Variants in CPLANE1 observed in about 807,000 individuals in gnomAD.
The protein encoded by CPLANE1 is ciliogenesis and planar polarity effector complex subunit 1.
A neutral mutation model predicts 362.5 loss-of-function variants in CPLANE1; 263 were observed. The observed-to-expected ratio is 0.73, with a 90% CI of 0.66 to 0.80. CPLANE1 has a LOEUF of 0.80. CPLANE1 is among the 30% of genes least tolerant of loss of function. The probability of loss-of-function intolerance (pLI) is 0.00; values close to 1 mark genes in which losing one functional copy is unlikely to be tolerated. For synonymous variants in CPLANE1, 1,212 were observed against 1,302.6 expected, an observed-to-expected ratio of 0.93 and a Z score of 1.50; for missense variants, 3,461 against 3,793.4, an observed-to-expected ratio of 0.91 and a Z score of 2.30.
At chr5:37,084,694 T>C in the CPLANE1 span, among the ~76,000 whole-genome samples, 2 of 151,918 alleles carry the variant, frequency 1.3e-5, no homozygotes, top group Non-Finnish European at 2.9e-5. Flanking sequence ...GCAGGAGAAT[T>C]GCTTGAACCC....
downstream of CPLANE1, among the ~76,000 whole-genome samples, chr5:37,101,732 G>T (rs1051912022): frequency 5.3e-5 from 8 of 152,022 alleles, no homozygotes; most frequent in Non-Finnish European, 1.5e-5. Context: ...TCTGGTCCTG[G>T]GCTTATTTTG....
chr5:37,227,937 CACAAAAAT>C, intron 9 of CPLANE1, 120 bp from the exon 10 acceptor site: 1 of 896,676 alleles, frequency 1.1e-6, no homozygotes, highest in Non-Finnish European at 1.6e-6. Context: ...AAGTGAAACA[CACAAAAAT>C]ATTAAATGTG....
chr5:37,107,623 G>T lies in CPLANE1; in HGVS notation c.9735C>A (p.Val3245=). Residue 3245 remains valine (V), a synonymous_variant, in exon 53 of 53, where the codon GTC becomes GTA. Transcript: ENST00000651892. ...GGTCTTACAGGTCCAGGGCCCAGTG[G>T]ACAGACAGGCCCTGGTCCTCCACGC... ...VASVEDQGLS[V]HWALDL is the part of the protein sequence containing the mutation. 1.2e-6 allele frequency: 2 copies of T among 1,610,746 alleles called. No homozygotes were observed. Among genetic ancestry groups the T allele is most frequent in the Non-Finnish European group, 1.7e-6 (2 of 1,179,208 alleles).
chr5:37,170,480 GA>G, intron 32 of CPLANE1, 149 bp from the exon 33 acceptor site: 1 of 842,626 alleles, frequency 1.2e-6, no homozygotes, highest in Non-Finnish European at 1.7e-6. Context: ...GGCAGTCAGG[GA>G]AATTTTTTTT....
At chr5:37,246,737 G>A (rs1739801573) in intron 2 of CPLANE1, among the ~76,000 whole-genome samples, 1 of 151,884 alleles carries the variant, frequency 6.6e-6, no homozygotes, top group African/African-American at 2.4e-5. Context: ...GAAACCCCTA[G>A]CCTCTACTAA....
intron 43 of CPLANE1, among the ~76,000 whole-genome samples, chr5:37,142,915 A>G (rs1375834787): frequency 6.6e-6 from 1 of 152,188 alleles, no homozygotes; most frequent in Admixed American, 6.5e-5. Context: ...AAACTGAGCT[A>G]CCTTCATGTA....
intron 15 of CPLANE1, 91 bp from the exon 16 acceptor site, chr5:37,213,823 G>A: frequency 9.5e-7 from 1 of 1,052,492 alleles, no homozygotes; most frequent in South Asian, 2.8e-5. Flanking sequence ...AAAGAAAATT[G>A]CAATACCTTT....
At chr5:37,246,945 A>G (rs970478015) in intron 2 of CPLANE1, among the ~76,000 whole-genome samples, 1 of 152,122 alleles carries the variant, frequency 6.6e-6, no homozygotes, top group Admixed American at 6.6e-5. Flanking sequence ...ATCCAACCCT[A>G]CAGCAGACCT....
At chr5:37,205,851 C>A (rs1790569174) in intron 17 of CPLANE1, among the ~76,000 whole-genome samples, 1 of 152,110 alleles carries the variant, frequency 6.6e-6, no homozygotes. Flanking sequence ...GTAGTTGGGA[C>A]CACAGGCACG....
At chr5:37,159,466 C>A (rs535631757) in intron 38 of CPLANE1, among the ~76,000 whole-genome samples, 10 of 152,168 alleles carry the variant, frequency 6.6e-5, no homozygotes, top group South Asian at 4.1e-4. Flanking sequence ...ATTCACAGAG[C>A]CTATAATTAA....
At chr5:37,157,247 T>C (rs1775389088) in intron 41 of CPLANE1, 66 bp downstream of exon 41, 3 of 980,186 alleles carry the variant, frequency 3.1e-6, no homozygotes, top group Non-Finnish European at 4.3e-6. Context: ...TTACCAAATT[T>C]TGGTGCTTGT....
intron 46 of CPLANE1, among the ~76,000 whole-genome samples, chr5:37,127,159 G>A (rs974638693): frequency 1.3e-5 from 2 of 152,140 alleles, no homozygotes; most frequent in African/African-American, 4.8e-5. Context: ...GATTTTCCCT[G>A]GAATTTACTC....
chr5:37,226,331 A>G lies in CPLANE1; in HGVS notation c.2264T>C (p.Val755Ala). Reference protein sequence around the residue: ...NSFFKIHPQVVNPVQQPGHRL... With the variant: ...NSFFKIHPQVANPVQQPGHRL... ...GTGTCCTGGCTGTTGCACAGGATTT[A>G]CTACTTGAGGATGAATCTTGAAAAA... The change falls in exon 12 of 53, where the codon GTA becomes GCA. Residue 755 changes from valine to alanine, a missense_variant. By Grantham distance (64) the Val-to-Ala change is moderately conservative. Coordinates refer to ENST00000651892, the MANE Select transcript of CPLANE1 (RefSeq NM_001384732.1). 2.0e-6 allele frequency: 3 copies of G among 1,537,104 alleles called. No individual in the cohort carries two copies. The highest frequency in any genetic ancestry group is 1.2e-5 in the South Asian group (1 of 80,194).
intron 10 of CPLANE1, 42 bp from the exon 11 acceptor site, chr5:37,227,434 A>G (rs1796691199): frequency 6.6e-7 from 1 of 1,508,802 alleles, no homozygotes; most frequent in South Asian, 1.3e-5. Flanking sequence ...GCAAAATGTT[A>G]TCTGTAATTC....
At chr5:37,113,804 G>C (rs1182547523) in intron 51 of CPLANE1, among the ~76,000 whole-genome samples, 1 of 152,014 alleles carries the variant, frequency 6.6e-6, no homozygotes, top group African/African-American at 2.4e-5. Context: ...ATATAAACTA[G>C]TGGGGTTTTT....
At position 37,239,611 on chromosome 5, in the gene CPLANE1, A is replaced by C. The variant is rs1799876510; in HGVS notation, c.834+102T>G. The C allele has an allele frequency of 5.8e-6, 5 of 862,048 alleles. No homozygotes were observed. In the South Asian group the frequency reaches 2.3e-4, roughly 40 times the overall value. The allele number at this position is 862,048 out of a possible 1,614,324, so 53.4% of individuals were successfully genotyped here. The stretch of plus-strand genomic sequence containing the variant: ...AAAAAAAAAAAAAAACCAGAAAGAA[A>C]AAAAAAATGGATATAAAGGAGTATT... On this transcript the variant is annotated intron_variant, in intron 7 of 52. Transcript: ENST00000651892.
intron 18 of CPLANE1, among the ~76,000 whole-genome samples, chr5:37,203,973 T>C (rs1445426582): frequency 6.6e-6 from 1 of 152,244 alleles, no homozygotes; most frequent in Non-Finnish European, 1.5e-5. Flanking sequence ...CAATTCCCCT[T>C]ACTTTATTTA....
Position 37,225,511 on chromosome 5 carries a change from G to A in CPLANE1, c.2292-771C>T, listed in dbSNP as rs184291518. Among the ~76,000 whole-genome samples the A allele has an allele frequency of 1.0e-3, 158 of 152,222 alleles. 1 individual carries two copies. Among genetic ancestry groups the A allele is most frequent in the South Asian group, 8.7e-3 (42 of 4,816 alleles). On this transcript the variant is annotated intron_variant, in intron 12 of 52. Transcript: ENST00000651892. ...CCTCCCAAAGTGCTCGATCACAGGC[G>A]TGAGCCACTGCGCCCAGCCTAATTT... is the stretch of plus-strand genomic sequence containing the variant.
chr5:37,170,470 G>A, intron 32 of CPLANE1, 139 bp from the exon 33 acceptor site: 4 of 919,178 alleles, frequency 4.4e-6, no homozygotes, highest in South Asian at 2.0e-5. Flanking sequence ...CTGAGCAGGA[G>A]GCAGTCAGGG....
Sources: allele counts gnomAD v4.1 joint callset (sites outside exome capture counted in the v4.1 genomes callset), GRCh38; gene constraint gnomAD v4.1.1; transcripts MANE v1.5; gene names NCBI Gene and HGNC (gene_info 2026-07-23, HGNC 2026-07-21).